The following CMYA5 variants were observed in gnomAD, a reference collection of about 807,000 sequenced individuals.
CMYA5 encodes the protein cardiomyopathy-associated protein 5.
CMYA5 carries 246 observed loss-of-function variants against 318.9 expected under a neutral mutation model. The ratio of observed to expected loss-of-function variants is 0.77; its 90% CI spans 0.70 to 0.86. CMYA5 has a LOEUF of 0.86. Among genes scored for constraint, CMYA5 ranks in the 40% least tolerant of loss-of-function variants. The probability of loss-of-function intolerance (pLI) is 0.00; values close to 1 mark genes in which losing one functional copy is unlikely to be tolerated. For missense variants in CMYA5, 4,589 were observed against 4,678.2 expected, an observed-to-expected ratio of 0.98 and a Z score of 0.56; for synonymous variants, 1,641 against 1,729.5, an observed-to-expected ratio of 0.95 and a Z score of 1.27.
rs763690845 is a variant in CMYA5, at chr5:79,734,614, C to G, written c.5849C>G (p.Ser1950Cys). 1 of 1,613,888 alleles carries G rather than the reference C, an allele frequency of 6.2e-7. No homozygotes were observed. The highest frequency in any genetic ancestry group is 1.1e-5 in the South Asian group (1 of 91,078). The change falls in exon 2 of 13, where the codon TCT becomes TGT. Residue 1950 changes from serine (S) to cysteine (C), a missense_variant. By Grantham distance (112) the Ser-to-Cys change is moderately radical. Around this residue, in one of 3 missense-constraint regions of CMYA5, gnomAD observed 2,431 missense variants for 2,495.1 expected, o/e 0.97. Coordinates refer to ENST00000446378, the MANE Select transcript of CMYA5 (RefSeq NM_153610.5). ...GTGAGAAAGCAGGTCCTGCCGCATT[C>G]TGCTGAAGAATCTCATTTGTCATCA... ...CEVRKQVLPH[S>C]AEESHLSSQE...
In CMYA5 at chr5:79,732,122, A is replaced by G; in HGVS notation, c.3357A>G (p.Leu1119=). The G allele has an allele frequency of 6.2e-7, 1 of 1,613,964 alleles. No homozygotes were observed. Among genetic ancestry groups the G allele is most frequent in the Non-Finnish European group, 8.5e-7 (1 of 1,179,820 alleles). ...LAQKQKTQAY[L]EPESEDLIPS... is the part of the protein sequence containing the mutation. ...AGAAGCAGAAAACTCAAGCATATTT[A>G]GAGCCTGAGTCTGAAGACTTGATTC... The change falls in exon 2 of 13, where the codon TTA becomes TTG. Residue 1119 remains leucine (L), a synonymous_variant. Transcript: ENST00000446378.
chr5:79,711,817 A>G (rs1159022504), intron 1 of CMYA5, among the ~76,000 whole-genome samples: 1 of 152,202 alleles, frequency 6.6e-6, no homozygotes, highest in Non-Finnish European at 1.5e-5. Context: ...ATTTTTCTTG[A>G]TGAATTATTG....
chr5:79,778,815 G>GTGTGTGTGTGTGTGTATGTGTT, intron 9 of CMYA5, among the ~76,000 whole-genome samples: 1 of 106,072 alleles, frequency 9.4e-6, no homozygotes, highest in African/African-American at 5.0e-5. Context: ...CTCTTTCTGT[G>GTGTGTGTGTGTGTGTATGTGTT]TGTGTGTGTG....
chr5:79,689,887 G>C lies in CMYA5; in HGVS notation c.-21G>C. On this transcript the variant is annotated 5_prime_UTR_variant, in exon 1 of 13. Coordinates refer to ENST00000446378, the MANE Select transcript of CMYA5 (RefSeq NM_153610.5). ...CGCGGGCGGCTCCGGCTCCGGCCCC[G>C]GCCCAGGCCCGGGAGAGGCGATGGC... 1.4e-6 allele frequency: 1 copy of C among 727,846 alleles called. No homozygotes were observed. The highest frequency in any genetic ancestry group is 2.4e-6 in the Non-Finnish European group (1 of 414,374). 45.1% of individuals were successfully genotyped at this position (727,846 alleles called of 1,614,324 possible). A position where few individuals can be genotyped will look rare whatever the true frequency, so the allele number is the denominator to read the frequency against.
At chr5:79,774,429 C>A (rs925248311) in intron 9 of CMYA5, 2 of 152,250 alleles carry the variant, frequency 1.3e-5, no homozygotes, top group African/African-American at 4.8e-5. Flanking sequence ...TCTGCTGTTT[C>A]CTCAGCTGTT....
Position 79,799,508 on chromosome 5 carries a change from C to T in CMYA5, c.12102C>T (p.Ile4034=). 1.2e-6 allele frequency: 2 copies of T among 1,614,016 alleles called. No homozygotes were observed. Among genetic ancestry groups the T allele is most frequent in the South Asian group, 1.1e-5 (1 of 91,078 alleles). The change falls in exon 13 of 13, where the codon ATC becomes ATT. Residue 4034 remains isoleucine, a synonymous_variant. Coordinates refer to ENST00000446378, the MANE Select transcript of CMYA5 (RefSeq NM_153610.5). ...AGAGCGAGCAGTTGCTCTTCATCAT[C>T]AGGCACAGGTTTAATGAGGGTGTCC... ...NAESEQLLFI[I]RHRFNEGVHP...
At chr5:79,725,396 A>G (rs1473907072) in intron 1 of CMYA5, among the ~76,000 whole-genome samples, 1 of 152,200 alleles carries the variant, frequency 6.6e-6, no homozygotes, top group African/African-American at 2.4e-5. Flanking sequence ...TCTCACTTAT[A>G]AGTGGGAGCT....
chr5:79,777,560 TCAGGAGTTTGAGAC>T (rs1828960849), intron 9 of CMYA5, among the ~76,000 whole-genome samples: 1 of 150,444 alleles, frequency 6.6e-6, no homozygotes, highest in African/African-American at 2.4e-5. Flanking sequence ...TTGCCTGAGA[TCAGGAGTTTGAGAC>T]CAGCCTGGCC....
At chr5:79,760,237 A>T (rs1828625712) in intron 7 of CMYA5, among the ~76,000 whole-genome samples, 1 of 146,928 alleles carries the variant, frequency 6.8e-6, no homozygotes, top group Non-Finnish European at 1.5e-5. Context: ...ACACTTCCCT[A>T]TCCTGTGTCT....
intron 9 of CMYA5, among the ~76,000 whole-genome samples, chr5:79,768,092 G>C (rs1231272616): frequency 6.6e-6 from 1 of 151,870 alleles, no homozygotes; most frequent in East Asian, 1.9e-4. Flanking sequence ...TTGGTTTAAA[G>C]TCTGTTTTAT....
At chr5:79,758,995 A>G (rs536309413) in intron 7 of CMYA5, 93 bp downstream of exon 7, 8 of 1,079,946 alleles carry the variant, frequency 7.4e-6, no homozygotes, top group African/African-American at 1.6e-5. Context: ...GACTCTTCCC[A>G]CAAAGCATTT....
chr5:79,695,169 T>TC, intron 1 of CMYA5, among the ~76,000 whole-genome samples: 1 of 152,198 alleles, frequency 6.6e-6, no homozygotes, highest in Middle Eastern at 3.4e-3. Flanking sequence ...TAAACCAAAT[T>TC]CCCCTTCCTA....
chr5:79,794,193 CTG>C (rs1829231987), intron 12 of CMYA5, among the ~76,000 whole-genome samples: 2 of 152,182 alleles, frequency 1.3e-5, no homozygotes, highest in Non-Finnish European at 2.9e-5. Context: ...CGCTGCCTGT[CTG>C]TGTAAATAAA....
chr5:79,759,132 A>G (rs1828596811), intron 7 of CMYA5, among the ~76,000 whole-genome samples: 1 of 152,234 alleles, frequency 6.6e-6, no homozygotes, highest in East Asian at 1.9e-4. Context: ...AGTCAACACA[A>G]ATATTGTAAT....
At position 79,731,349 on chromosome 5, in the gene CMYA5, G is replaced by A. The variant is rs367604222; in HGVS notation, c.2584G>A (p.Glu862Lys). The A allele has an allele frequency of 2.1e-5, 34 of 1,613,764 alleles. No individual in the cohort carries two copies. Among genetic ancestry groups the A allele is most frequent in the South Asian group, 4.4e-5 (4 of 91,070 alleles). ...SEHSFPPHTT[E>K]MTSECQAPPL... The stretch of plus-strand genomic sequence containing the variant: ...ACACTCTTTCCCACCACACACAACC[G>A]AGATGACTTCTGAATGCCAGGCCCC... Residue 862 changes from glutamate to lysine, a missense_variant, in exon 2 of 13, where the codon GAG becomes AAG. Transcript: ENST00000446378.
chr5:79,736,438 A>G lies in CMYA5; in HGVS notation c.7673A>G (p.Gln2558Arg). ...GAAGGAAAGAAGCAGCAGGAACATC[A>G]GCCTTATTCTGTGAATGTAGCCGAG... ...LSEGKKQQEHQPYSVNVAESM... is the reference protein window; with the variant it reads ...LSEGKKQQEHRPYSVNVAESM... Residue 2558 changes from glutamine to arginine, a missense_variant, in exon 2 of 13, where the codon CAG (glutamine) becomes CGG (arginine). Coordinates refer to ENST00000446378, the MANE Select transcript of CMYA5 (RefSeq NM_153610.5). 1 of 1,609,140 alleles carries G rather than the reference A, an allele frequency of 6.2e-7. No individual in the cohort carries two copies. The highest frequency in any genetic ancestry group is 8.5e-7 in the Non-Finnish European group (1 of 1,177,458).
rs1250458266 is a variant in CMYA5, at chr5:79,732,801, G to A, written c.4036G>A (p.Glu1346Lys). Residue 1346 changes from glutamate to lysine, a missense_variant, in exon 2 of 13, where the codon GAA (glutamate) becomes AAA (lysine). By Grantham distance (56) the Glu-to-Lys change is moderately conservative. Around this residue, in one of 3 missense-constraint regions of CMYA5, gnomAD observed 2,132 missense variants for 2,131.3 expected, o/e 1.00. Coordinates refer to ENST00000446378, the MANE Select transcript of CMYA5 (RefSeq NM_153610.5). ...AGCTTTGTCAGAAGAAATTAAAAAA[G>A]AAATTGAACCCAGTTCCTCAACAAC... ...FSALSEEIKK[E>K]IEPSSSTTTA... 6.2e-7 allele frequency: 1 copy of A among 1,613,508 alleles called. No individual in the cohort carries two copies. Among genetic ancestry groups the A allele is most frequent in the African/African-American group, 1.3e-5 (1 of 74,906 alleles).
chr5:79,799,826 A>C lies in CMYA5; in HGVS notation c.*210A>C. The C allele has an allele frequency of 1.3e-5, 5 of 394,026 alleles. No individual in the cohort carries two copies. Among genetic ancestry groups the C allele is most frequent in the South Asian group, 3.9e-5 (1 of 25,612 alleles). 24.4% of individuals were successfully genotyped at this position (394,026 alleles called of 1,614,324 possible). A position where few individuals can be genotyped will look rare whatever the true frequency, so the allele number is the denominator to read the frequency against. On this transcript the variant is annotated 3_prime_UTR_variant, in exon 13 of 13. Transcript: ENST00000446378. ...GTGAGTAAACAGAATGAAAACAACAACCTCCACTCTTTAGTTTATATAAGT... is the reference window on the plus strand; with the variant it reads ...GTGAGTAAACAGAATGAAAACAACACCCTCCACTCTTTAGTTTATATAAGT...
chr5:79,747,047 T>C, intron 4 of CMYA5, 44 bp from the exon 5 acceptor site: 2 of 1,168,030 alleles, frequency 1.7e-6, no homozygotes, highest in East Asian at 2.6e-5. Context: ...TCTCTCTCTC[T>C]TTTTCTCTCT....
Sources: allele counts gnomAD v4.1 joint callset (sites outside exome capture counted in the v4.1 genomes callset), GRCh38; gene constraint gnomAD v4.1.1; regional missense constraint gnomAD v4.1.1; transcripts MANE v1.5; gene names NCBI Gene and HGNC (gene_info 2026-07-23, HGNC 2026-07-21).